TFCP2L1: variants seen among roughly 807,000 people sequenced by gnomAD.
TFCP2L1 encodes the protein transcription factor CP2 like 1.
Under a neutral mutation model 72.2 loss-of-function variants are expected in TFCP2L1, and 12 were observed. The observed-to-expected ratio is 0.17, with a 90% CI of 0.11 to 0.27. TFCP2L1 has a LOEUF of 0.27. Ranked by LOEUF, TFCP2L1 falls within the 10% of genes least tolerant of loss-of-function variation. The pLI is 1.00. For synonymous variants in TFCP2L1, 260 were observed against 251.0 expected (o/e 1.04, Z -0.34); for missense variants, 488 against 624.6 (o/e 0.78, Z 2.33).
At chr2:121,229,299 T>G (rs1287816731) in intron 13 of TFCP2L1, among the ~76,000 whole-genome samples, 1 of 152,082 alleles carries the variant, frequency 6.6e-6, no homozygotes, top group Non-Finnish European at 1.5e-5. Context: ...CAGAATCACA[T>G]CAAACTTAAC....
chr2:121,254,632 T>A (rs1686678510), intron 2 of TFCP2L1, among the ~76,000 whole-genome samples: 1 of 152,134 alleles, frequency 6.6e-6, no homozygotes, highest in South Asian at 2.1e-4. Context: ...ACCCTGTCTC[T>A]ACTAAAAACA....
At chr2:121,257,403 C>A (rs1686749404) in intron 2 of TFCP2L1, among the ~76,000 whole-genome samples, 1 of 152,168 alleles carries the variant, frequency 6.6e-6, no homozygotes, top group Non-Finnish European at 1.5e-5. Flanking sequence ...CTGGTTCCTG[C>A]CCAAGGGCCC....
chr2:121,258,558 C>A (rs1185556006), intron 2 of TFCP2L1, among the ~76,000 whole-genome samples: 1 of 152,264 alleles, frequency 6.6e-6, no homozygotes, highest in African/African-American at 2.4e-5. Context: ...GAGGACGCTG[C>A]ATCACCTACT....
chr2:121,228,874 A>G (rs752302456), intron 13 of TFCP2L1, among the ~76,000 whole-genome samples: 6 of 151,318 alleles, frequency 4.0e-5, no homozygotes, highest in Non-Finnish European at 5.9e-5. Context: ...CAAGTTGCAG[A>G]TAAGATAAAT....
rs1198159042 is a variant in TFCP2L1 at position 121,221,539 on chromosome 2, C to G, written c.*2802G>C. ...TTTTTCTCAATAATCAGCAGTGGGA[C>G]AAGTGGAGATCCACAAGCAAAAGAA... On this transcript the variant is annotated 3_prime_UTR_variant, in exon 15 of 15. Coordinates refer to ENST00000263707, the MANE Select transcript of TFCP2L1 (RefSeq NM_014553.3). The G allele has an allele frequency of 1.3e-5, 2 of 152,120 alleles. No individual in the cohort carries two copies. Among genetic ancestry groups the G allele is most frequent in the African/African-American group, 4.8e-5 (2 of 41,410 alleles). The allele number at this position is 152,120 out of a possible 1,614,324, so 9.4% of individuals were successfully genotyped here.
At chr2:121,254,541 G>C (rs1388790580) in intron 2 of TFCP2L1, among the ~76,000 whole-genome samples, 1 of 152,136 alleles carries the variant, frequency 6.6e-6, no homozygotes, top group African/African-American at 2.4e-5. Flanking sequence ...TCCCAGCAAG[G>C]GATTTTTGGC....
Position 121,216,844 on chromosome 2 carries a change from G to A in TFCP2L1, c.*7497C>T, listed in dbSNP as rs911485573. 1 of 152,210 alleles carries A rather than the reference G, an allele frequency of 6.6e-6. No individual in the cohort carries two copies. Among genetic ancestry groups the A allele is most frequent in the African/African-American group, 2.4e-5 (1 of 41,426 alleles). The allele number at this position is 152,210 out of a possible 1,614,324, so 9.4% of individuals were successfully genotyped here. A position where few individuals can be genotyped will look rare whatever the true frequency, so the allele number is the denominator to read the frequency against. On this transcript the variant is annotated 3_prime_UTR_variant, in exon 15 of 15. Coordinates refer to ENST00000263707, the MANE Select transcript of TFCP2L1 (RefSeq NM_014553.3). ...AAAAGAGTCACCCAATCTGGAGAAA[G>A]GTGTGGAGGTTACATCTTTAGAAAG...
intron 13 of TFCP2L1, among the ~76,000 whole-genome samples, chr2:121,229,031 T>C (rs1311659518): frequency 6.6e-6 from 1 of 152,122 alleles, no homozygotes; most frequent in Non-Finnish European, 1.5e-5. Context: ...GCAATTCTCC[T>C]GGCTCAGCCT....
At chr2:121,253,259 C>T (rs576341350) in intron 2 of TFCP2L1, among the ~76,000 whole-genome samples, 19 of 152,308 alleles carry the variant, frequency 1.2e-4, no homozygotes, top group African/African-American at 2.9e-4. Flanking sequence ...CATGGTGACG[C>T]GCTGGACGCC....
rs768421762 is a variant in TFCP2L1, at chr2:121,239,565, C to G, written c.853G>C (p.Gly285Arg). 1 of 1,614,148 alleles carries G rather than the reference C, an allele frequency of 6.2e-7. No individual in the cohort carries two copies. The highest frequency in any genetic ancestry group is 8.5e-7 in the Non-Finnish European group (1 of 1,180,012). ...YNGSPNSFGL[G>R]EGNASPTHPV... is the part of the protein sequence containing the mutation. ...AAGAGAGGTGGGACGTACCCTTCGC[C>G]GAGGCCAAAGCTGTTTGGAGAACCA... The change falls in exon 8 of 15, where the codon GGC (glycine) becomes CGC (arginine). Residue 285 changes from glycine to arginine, a missense_variant. Around this residue, in one of 3 missense-constraint regions of TFCP2L1, gnomAD observed 286 missense variants for 329.0 expected, o/e 0.87. Coordinates refer to ENST00000263707, the MANE Select transcript of TFCP2L1 (RefSeq NM_014553.3).
chr2:121,249,833 C>A (rs567975926), intron 2 of TFCP2L1, among the ~76,000 whole-genome samples, 186 bp from the exon 3 acceptor site: 1 of 152,248 alleles, frequency 6.6e-6, no homozygotes, highest in Non-Finnish European at 1.5e-5. Context: ...CTGTCCACCC[C>A]GCCAGGTCGG....
At chr2:121,275,398 C>CAAAAAAAAAAAA (rs575514638) in intron 2 of TFCP2L1, among the ~76,000 whole-genome samples, 1,440 of 65,524 alleles carry the variant, frequency 0.022, 192 homozygotes, top group Middle Eastern at 0.06. Flanking sequence ...GACTCCATCT[C>CAAAAAAAAAAAA]AAAAAAAAAA....
chr2:121,255,085 T>C (rs1185602614), intron 2 of TFCP2L1, among the ~76,000 whole-genome samples: 1 of 152,140 alleles, frequency 6.6e-6, no homozygotes, highest in Non-Finnish European at 1.5e-5. Flanking sequence ...TCTCAGTCAG[T>C]TTCCAGAACC....
rs1269834171 is a variant in TFCP2L1 at position 121,222,381 on chromosome 2, C to G, written c.*1960G>C. ...TTCATAGCAGCATCATTCAGAGTAG[C>G]CAAAAAGTAAAAACACACAAATGTC... On this transcript the variant is annotated 3_prime_UTR_variant, in exon 15 of 15. Coordinates refer to ENST00000263707, the MANE Select transcript of TFCP2L1 (RefSeq NM_014553.3). 1 of 152,100 alleles carries G rather than the reference C, an allele frequency of 6.6e-6. No individual in the cohort carries two copies. Among genetic ancestry groups the G allele is most frequent in the Non-Finnish European group, 1.5e-5 (1 of 68,014 alleles). The allele number at this position is 152,100 out of a possible 1,614,324, so 9.4% of individuals were successfully genotyped here.
chr2:121,284,969 C>G (rs1040055981), intron 1 of TFCP2L1, 79 bp downstream of exon 1: 1 of 1,292,544 alleles, frequency 7.7e-7, no homozygotes, highest in Non-Finnish European at 1.0e-6. Context: ...GGGGCGCCCC[C>G]TCTCCGCCCC....
intron 14 of TFCP2L1, among the ~76,000 whole-genome samples, chr2:121,225,234 A>G (rs975425954): frequency 2.6e-5 from 4 of 151,954 alleles, no homozygotes; most frequent in Admixed American, 6.6e-5. Context: ...CTCATCCCCC[A>G]TCCCGACCCA....
chr2:121,232,450 C>G (rs1275033828), intron 12 of TFCP2L1, among the ~76,000 whole-genome samples: 1 of 152,066 alleles, frequency 6.6e-6, no homozygotes, highest in Non-Finnish European at 1.5e-5. Flanking sequence ...GGCTGCCACT[C>G]TTGATTCCTC....
chr2:121,225,562 C>T lies in TFCP2L1; in HGVS notation c.1393G>A (p.Ala465Thr). The change falls in exon 14 of 15, where the codon GCT (alanine) becomes ACT (threonine). Residue 465 changes from alanine (A) to threonine (T), a missense_variant and splice_region_variant. This residue lies in a region of TFCP2L1 where 286 missense variants were observed against 329.0 expected (regional missense o/e 0.87). Coordinates refer to ENST00000263707, the MANE Select transcript of TFCP2L1 (RefSeq NM_014553.3). ...ESCFVLSTIK[A>T]ESNDGYHIIL... ...CCCTAGGGGGAGGGGGAGGCTTCAC[C>T]TTTAATTGTGCTGAGGACAAAACAG... 6.2e-7 allele frequency: 1 copy of T among 1,614,088 alleles called. No homozygotes were observed. The highest frequency in any genetic ancestry group is 8.5e-7 in the Non-Finnish European group (1 of 1,180,032).
intron 2 of TFCP2L1, among the ~76,000 whole-genome samples, chr2:121,275,255 GCGCC>G (rs1303609985): frequency 1.9e-3 from 14 of 7,298 alleles, no homozygotes; most frequent in African/African-American, 0.019. Flanking sequence ...ATGGCGGCGG[GCGCC>G]TGTAGTCGCG....
Sources: gnomAD v4.1 joint callset for allele counts (sites outside exome capture counted in the v4.1 genomes callset) on GRCh38, gnomAD v4.1.1 for gene constraint, gnomAD v4.1.1 regional missense constraint, MANE v1.5 for transcripts, NCBI Gene and HGNC (gene_info 2026-07-23, HGNC 2026-07-21) for gene names.